SPNS3: variants seen among roughly 807,000 people sequenced by gnomAD.
SPNS3 encodes SPNS lysolipid transporter 3, sphingosine-1-phosphate (putative).
SPNS3 carries 51 observed loss-of-function variants against 54.4 expected under a neutral mutation model. That is an observed-to-expected ratio of 0.94 (90% CI 0.75 to 1.18). The LOEUF (loss-of-function observed/expected upper bound fraction) is 1.18, where lower values mean the gene tolerates loss of function less well. Ranked by LOEUF, SPNS3 falls within the 50% of genes most tolerant of loss-of-function variation. The probability of loss-of-function intolerance (pLI) is 0.00; values close to 1 mark genes in which losing one functional copy is unlikely to be tolerated. For synonymous variants in SPNS3, 309 were observed against 294.7 expected, an observed-to-expected ratio of 1.05 and a Z score of -0.50; for missense variants, 669 against 677.4, an observed-to-expected ratio of 0.99 and a Z score of 0.14.
intron 8 of SPNS3, among the ~76,000 whole-genome samples, chr17:4,461,372 T>C (rs945263201): frequency 4.5e-5 from 6 of 133,296 alleles, no homozygotes; most frequent in African/African-American, 1.6e-4. Flanking sequence ...TTTTTTTTTT[T>C]TTTTTTTTTT....
At position 4,450,140 on chromosome 17, in the gene SPNS3, G is replaced by C. The variant is rs185026315; in HGVS notation, c.923+753G>C. Reference sequence around the variant, plus strand: ...TCTGACCCTGTCCTGGTGGGTCCTGGGGGCTCCTGGGGATGCTATCTTCTT... The same window carrying C: ...TCTGACCCTGTCCTGGTGGGTCCTGCGGGCTCCTGGGGATGCTATCTTCTT... On this transcript the variant is annotated intron_variant, in intron 7 of 11. Transcript: ENST00000355530. Among the ~76,000 whole-genome samples the C allele has an allele frequency of 2.6e-3, 402 of 151,724 alleles. 2 individuals are homozygous for C. Among genetic ancestry groups the C allele is most frequent in the Non-Finnish European group, 4.9e-3 (332 of 67,902 alleles).
chr17:4,454,036 C>A (rs976286987), intron 8 of SPNS3, among the ~76,000 whole-genome samples: 5 of 152,196 alleles, frequency 3.3e-5, no homozygotes, highest in African/African-American at 1.2e-4. Flanking sequence ...CTCTTTTGTG[C>A]ATCCTGAAAT....
chr17:4,444,373 C>G (rs1970927391), intron 2 of SPNS3, among the ~76,000 whole-genome samples: 1 of 151,794 alleles, frequency 6.6e-6, no homozygotes, highest in Admixed American at 6.6e-5. Flanking sequence ...CACCATCACA[C>G]CTGGCTAATT....
chr17:4,450,425 T>C, intron 7 of SPNS3, among the ~76,000 whole-genome samples: 1 of 149,860 alleles, frequency 6.7e-6, no homozygotes, highest in Non-Finnish European at 1.5e-5. Flanking sequence ...TTCTTTTCTT[T>C]CTTTTTTGAG....
chr17:4,449,051 C>G (rs1387738590), intron 6 of SPNS3, among the ~76,000 whole-genome samples, 184 bp from the exon 7 acceptor site: 2 of 152,100 alleles, frequency 1.3e-5, no homozygotes, highest in African/African-American at 4.8e-5. Flanking sequence ...ACCTGAGTGT[C>G]TTCTTCTTCG....
In SPNS3 at chr17:4,434,044, G is replaced by A; in HGVS notation, c.77G>A (p.Arg26Lys). 6.2e-7 allele frequency: 1 copy of A among 1,609,114 alleles called. No homozygotes were observed. The highest frequency in any genetic ancestry group is 8.5e-7 in the Non-Finnish European group (1 of 1,177,762). The change falls in exon 1 of 12, where the codon AGG becomes AAG. Residue 26 changes from arginine to lysine, a missense_variant. Arg to Lys is a conservative substitution (Grantham distance 26). Coordinates refer to ENST00000355530, the MANE Select transcript of SPNS3 (RefSeq NM_182538.5). Reference sequence around the variant, plus strand: ...CAGGGCCAGTCCCCAGGGCCAGGCAGGCAGTGTCCCCCTCCCATCACGCCC... The same window carrying A: ...CAGGGCCAGTCCCCAGGGCCAGGCAAGCAGTGTCCCCCTCCCATCACGCCC... The part of the protein sequence containing the change: ...GLQGQSPGPG[R>K]QCPPPITPTS...
At chr17:4,438,275 C>A (rs1970764417) in intron 1 of SPNS3, among the ~76,000 whole-genome samples, 1 of 152,174 alleles carries the variant, frequency 6.6e-6, no homozygotes, top group African/African-American at 2.4e-5. Flanking sequence ...ATTTGAGCCC[C>A]AGCTCCCCCA....
At chr17:4,485,235 C>T (rs774486527) in intron 9 of SPNS3, 6 of 152,056 alleles carry the variant, frequency 3.9e-5, no homozygotes, top group African/African-American at 9.7e-5. Flanking sequence ...AGACGAATAA[C>T]GATAATGAAT....
chr17:4,449,856 G>T (rs1437530373), intron 7 of SPNS3, among the ~76,000 whole-genome samples: 1 of 152,124 alleles, frequency 6.6e-6, no homozygotes, highest in African/African-American at 2.4e-5. Context: ...TGCCGGGAGG[G>T]GAGGCGCGGG....
intron 8 of SPNS3, among the ~76,000 whole-genome samples, chr17:4,454,945 AC>A (rs1189359489): frequency 7.4e-6 from 1 of 135,750 alleles, no homozygotes; most frequent in East Asian, 2.1e-4. Flanking sequence ...ACTGAGTCTC[AC>A]CCTGTTGCCC....
At position 4,461,367 on chromosome 17, in the gene SPNS3, T is replaced by C. The variant is rs1157992113; in HGVS notation, c.1113+8162T>C. Among the ~76,000 whole-genome samples the C allele has an allele frequency of 1.2e-3, 139 of 113,136 alleles. 1 individual carries two copies. The East Asian group carries it at 0.015, about 12-fold the overall frequency. The allele number at this position is 113,136 out of a possible 152,430, so 74.2% of individuals were successfully genotyped here. On this transcript the variant is annotated intron_variant, in intron 8 of 11. Coordinates refer to ENST00000355530, the MANE Select transcript of SPNS3 (RefSeq NM_182538.5). ...CTTTCTTTTCTTTTCTTTTCTTTTT[T>C]TTTTTTTTTTTTTTTTTTTTGAGAC...
At chr17:4,469,369 G>C (rs1194327279) in intron 8 of SPNS3, among the ~76,000 whole-genome samples, 1 of 152,204 alleles carries the variant, frequency 6.6e-6, no homozygotes, top group African/African-American at 2.4e-5. Context: ...TTACAGGCGT[G>C]AGCCACTGTG....
intron 9 of SPNS3, chr17:4,485,979 ACT>A (rs1352078903): frequency 7.3e-6 from 3 of 408,418 alleles, no homozygotes; most frequent in Non-Finnish European, 8.6e-6. Context: ...TCAAGAGCAA[ACT>A]CTCAAGAGGG....
At position 4,451,562 on chromosome 17, in the gene SPNS3, C is replaced by T. The variant is rs1013749249; in HGVS notation, c.924-1454C>T. ...GCTGGTCAGGAGCTTGCTCAGAGGACGACAGGGAGCTATTGAGAGGTTGGA... is the reference window on the plus strand; with the variant it reads ...GCTGGTCAGGAGCTTGCTCAGAGGATGACAGGGAGCTATTGAGAGGTTGGA... On this transcript the variant is annotated intron_variant, in intron 7 of 11. Coordinates refer to ENST00000355530, the MANE Select transcript of SPNS3 (RefSeq NM_182538.5). Among the ~76,000 whole-genome samples the T allele has an allele frequency of 7.9e-5, 12 of 152,290 alleles. No homozygotes were observed. In the South Asian group the frequency reaches 1.0e-3, roughly 13 times the overall value.
In SPNS3 at chr17:4,486,549, G is replaced by T. The variant is rs1972323164; in HGVS notation, c.1416G>T (p.Glu472Asp). 6.2e-7 allele frequency: 1 copy of T among 1,613,256 alleles called. No homozygotes were observed. Among genetic ancestry groups the T allele is most frequent in the Non-Finnish European group, 8.5e-7 (1 of 1,179,804 alleles). The change falls in exon 11 of 12, where the codon GAG (glutamate) becomes GAT (aspartate). Residue 472 changes from glutamate to aspartate, a missense_variant. Physicochemically the swap from Glu to Asp is conservative, Grantham distance 45 (BLOSUM62 2). Coordinates refer to ENST00000355530, the MANE Select transcript of SPNS3 (RefSeq NM_182538.5). The surrounding 1 kb of genome is among the most constrained non-coding windows in gnomAD (Gnocchi z 5.5). ...GCFLLTALYLERDETRAWQPV... is the reference protein window; with the variant it reads ...GCFLLTALYLDRDETRAWQPV... The stretch of plus-strand genomic sequence containing the variant: ...TCCTGCTGACTGCGCTGTACCTGGA[G>T]AGAGACGAGACCCGGGCCTGGCAGC...
intron 2 of SPNS3, among the ~76,000 whole-genome samples, chr17:4,442,772 C>A (rs190548275): frequency 9.2e-4 from 140 of 152,322 alleles, no homozygotes; most frequent in African/African-American, 3.3e-3. Flanking sequence ...GTCCATTTTA[C>A]AGATGATGAA....
chr17:4,458,591 T>TCCTTTCTTTCTTTCTTTCTC (rs1296069635), intron 8 of SPNS3, among the ~76,000 whole-genome samples: 1 of 62,110 alleles, frequency 1.6e-5, no homozygotes, highest in Non-Finnish European at 3.2e-5. Flanking sequence ...CTTCCCTCCT[T>TCCTTTCTTTCTTTCTTTCTC]TCTTTCTTTC....
At chr17:4,447,207 C>G (rs918102507) in intron 5 of SPNS3, among the ~76,000 whole-genome samples, 1 of 152,152 alleles carries the variant, frequency 6.6e-6, no homozygotes, top group African/African-American at 2.4e-5. Flanking sequence ...AGCAGATCAC[C>G]TTCTTCTTCA....
chr17:4,435,779 A>T (rs1970699950), intron 1 of SPNS3, among the ~76,000 whole-genome samples: 1 of 152,010 alleles, frequency 6.6e-6, no homozygotes, highest in Non-Finnish European at 1.5e-5. Context: ...TTCAAGACTG[A>T]TCAGGGGCCA....
Sources: gnomAD v4.1 joint callset for allele counts (sites outside exome capture counted in the v4.1 genomes callset) on GRCh38, gnomAD v4.1.1 for gene constraint, Gnocchi (gnomAD v3.1) non-coding constraint, MANE v1.5 for transcripts, NCBI Gene and HGNC (gene_info 2026-07-23, HGNC 2026-07-21) for gene names.